SUPT3H: variants seen among roughly 807,000 people sequenced by gnomAD.
The protein encoded by SUPT3H is SPT3 homolog, SAGA and STAGA complex component.
Under a neutral mutation model 44.3 loss-of-function variants are expected in SUPT3H, and 44 were observed. That is an observed-to-expected ratio of 0.99 (90% CI 0.78 to 1.28). The LOEUF is 1.28. Ranked by LOEUF, SUPT3H falls within the 50% of genes most tolerant of loss-of-function variation. The probability of loss-of-function intolerance (pLI) is 0.00; values close to 1 mark genes in which losing one functional copy is unlikely to be tolerated. For missense variants in SUPT3H, 380 were observed against 387.1 expected, an observed-to-expected ratio of 0.98 and a Z score of 0.15; for synonymous variants, 124 against 125.6, an observed-to-expected ratio of 0.99 and a Z score of 0.09.
intron 3 of SUPT3H, among the ~76,000 whole-genome samples, chr6:45,056,632 C>A (rs1255900262): frequency 6.6e-6 from 1 of 152,100 alleles, no homozygotes; most frequent in Non-Finnish European, 1.5e-5. Context: ...TTTTCACTTA[C>A]AAGTGGGAGC....
intron 1 of SUPT3H, among the ~76,000 whole-genome samples, chr6:45,376,060 A>C (rs971469819): frequency 2.0e-5 from 3 of 152,246 alleles, no homozygotes; most frequent in Non-Finnish European, 2.9e-5. Flanking sequence ...AAAGTGGTAA[A>C]AGATAGCAGA....
chr6:44,916,692 G>A (rs1767856485), intron 10 of SUPT3H, among the ~76,000 whole-genome samples: 1 of 152,002 alleles, frequency 6.6e-6, no homozygotes, highest in Non-Finnish European at 1.5e-5. Flanking sequence ...TTCTCTGAAG[G>A]GTACTATTGG....
At chr6:45,106,540 T>A (rs556652461) in intron 2 of SUPT3H, among the ~76,000 whole-genome samples, 9 of 151,988 alleles carry the variant, frequency 5.9e-5, no homozygotes, top group African/African-American at 1.9e-4. Context: ...AGTTTTTATT[T>A]TTTTTATTTT....
chr6:45,351,692 A>G (rs1208836038), intron 2 of SUPT3H, among the ~76,000 whole-genome samples: 2 of 151,822 alleles, frequency 1.3e-5, no homozygotes, highest in Non-Finnish European at 2.9e-5. Context: ...AAATTGATCA[A>G]CTCCATACTT....
chr6:45,249,018 G>A (rs545392644), intron 2 of SUPT3H, among the ~76,000 whole-genome samples: 5 of 151,844 alleles, frequency 3.3e-5, no homozygotes, highest in Middle Eastern at 6.9e-3. Flanking sequence ...AAGTATATAC[G>A]TACCATGCAA....
At chr6:45,093,876 G>A in intron 3 of SUPT3H, among the ~76,000 whole-genome samples, 1 of 152,032 alleles carries the variant, frequency 6.6e-6, no homozygotes, top group Non-Finnish European at 1.5e-5. Flanking sequence ...TCAAATGGAA[G>A]GTTAGATAAT....
At chr6:45,247,885 TG>T (rs1334470945) in intron 2 of SUPT3H, among the ~76,000 whole-genome samples, 1 of 152,132 alleles carries the variant, frequency 6.6e-6, no homozygotes, top group Non-Finnish European at 1.5e-5. Context: ...CAAAAATCAG[TG>T]GAACAGAATA....
At chr6:45,050,278 A>AGTGTGT (rs57510967) in intron 3 of SUPT3H, among the ~76,000 whole-genome samples, 8,492 of 147,358 alleles carry the variant, frequency 0.058, 374 homozygotes, top group East Asian at 0.14. Context: ...CTTTTTCTGC[A>AGTGTGT]GTGTGTGTGT....
intron 2 of SUPT3H, among the ~76,000 whole-genome samples, chr6:45,296,622 C>T (rs1488820529): frequency 6.6e-6 from 1 of 151,044 alleles, no homozygotes; most frequent in African/African-American, 2.4e-5. Flanking sequence ...GCCTGTAATC[C>T]CAGCTACTCG....
At chr6:45,110,148 C>A (rs925812924) in intron 2 of SUPT3H, among the ~76,000 whole-genome samples, 6 of 152,134 alleles carry the variant, frequency 3.9e-5, no homozygotes, top group African/African-American at 1.4e-4. Flanking sequence ...ATGATTGGGG[C>A]GGAGCAACTT....
At chr6:45,063,885 G>A (rs1391801593) in intron 3 of SUPT3H, among the ~76,000 whole-genome samples, 1 of 118,504 alleles carries the variant, frequency 8.4e-6, no homozygotes, top group African/African-American at 3.2e-5. Flanking sequence ...AAAACACTCT[G>A]CAGGATATTA....
chr6:45,184,192 CTT>C (rs1021084563), intron 2 of SUPT3H, among the ~76,000 whole-genome samples: 1 of 152,076 alleles, frequency 6.6e-6, no homozygotes, highest in African/African-American at 2.4e-5. Flanking sequence ...GTCCATAAAT[CTT>C]TTTAAGTTTT....
intron 2 of SUPT3H, among the ~76,000 whole-genome samples, chr6:45,208,385 TAAC>T (rs1763534505): frequency 6.6e-6 from 1 of 152,132 alleles, no homozygotes; most frequent in Non-Finnish European, 1.5e-5. Context: ...TGTAGCAACT[TAAC>T]AAGAAGATCT....
chr6:45,364,075 A>G (rs1302333635), intron 2 of SUPT3H, among the ~76,000 whole-genome samples: 1 of 151,570 alleles, frequency 6.6e-6, no homozygotes, highest in Non-Finnish European at 1.5e-5. Flanking sequence ...AGATTGTGCC[A>G]CTGCACTACA....
chr6:44,906,745 G>C (rs1316837050), intron 10 of SUPT3H, among the ~76,000 whole-genome samples: 4 of 152,176 alleles, frequency 2.6e-5, no homozygotes, highest in Non-Finnish European at 4.4e-5. Context: ...CTGGGCAACA[G>C]AGTGAGACTC....
chr6:45,093,816 G>A (rs1170117182), intron 3 of SUPT3H, among the ~76,000 whole-genome samples: 1 of 151,966 alleles, frequency 6.6e-6, no homozygotes, highest in African/African-American at 2.4e-5. Context: ...AGACTGAATG[G>A]CTTACTAGTT....
At chr6:44,890,753 T>TAATAATA in intron 10 of SUPT3H, among the ~76,000 whole-genome samples, 1 of 114,390 alleles carries the variant, frequency 8.7e-6, no homozygotes, top group Middle Eastern at 5.8e-3. Context: ...AAACTTAAAG[T>TAATAATA]ATAATAATAA....
intron 2 of SUPT3H, among the ~76,000 whole-genome samples, chr6:45,324,480 C>G (rs1415552222): frequency 6.6e-6 from 1 of 151,638 alleles, no homozygotes; most frequent in Non-Finnish European, 1.5e-5. Flanking sequence ...GTCAATATCC[C>G]CTACTAGAAC....
chr6:44,960,015 T>C (rs1775779521), intron 7 of SUPT3H, among the ~76,000 whole-genome samples: 1 of 152,172 alleles, frequency 6.6e-6, no homozygotes. Flanking sequence ...ATGGGCACCA[T>C]ATATAAATAG....
Sources: allele counts gnomAD v4.1 joint callset (sites outside exome capture counted in the v4.1 genomes callset), GRCh38; gene constraint gnomAD v4.1.1; transcripts MANE v1.5; gene names NCBI Gene and HGNC (gene_info 2026-07-23, HGNC 2026-07-21).